Variants in HACE1 observed in about 807,000 individuals in gnomAD.
HACE1 encodes the protein E3 ubiquitin-protein ligase HACE1.
HACE1 carries 73 observed loss-of-function variants against 118.4 expected under a neutral mutation model. The observed-to-expected ratio is 0.62, with a 90% confidence interval of 0.51 to 0.75. The LOEUF (loss-of-function observed/expected upper bound fraction) is 0.75. HACE1 is among the 30% of genes least tolerant of loss of function. HACE1 has a pLI of 0.00. For synonymous variants in HACE1, 368 were observed against 374.8 expected, an observed-to-expected ratio of 0.98 and a Z score of 0.21; for missense variants, 749 against 1,102.2, an observed-to-expected ratio of 0.68 and a Z score of 4.54.
chr6:104,774,477 T>C (rs1297627122), intron 17 of HACE1, among the ~76,000 whole-genome samples: 2 of 151,518 alleles, frequency 1.3e-5, no homozygotes, highest in Non-Finnish European at 2.9e-5. Context: ...CTCCACCTCC[T>C]GGGTTCAAGA....
In HACE1 at chr6:104,796,654, C is replaced by T. The variant is rs757097017; in HGVS notation, c.816+1G>A. 7.2e-7 allele frequency: 1 copy of T among 1,387,136 alleles called. No individual in the cohort carries two copies. Among genetic ancestry groups the T allele is most frequent in the Non-Finnish European group, 1.0e-6 (1 of 975,416 alleles). The allele number at this position is 1,387,136 out of a possible 1,614,324, so 85.9% of individuals were successfully genotyped here. On this transcript the variant is annotated splice_donor_variant, in intron 9 of 23. Transcript: ENST00000262903. LOFTEE classifies it high-confidence loss of function. ...ACAAGCTACTATCACAAATACAATA[C>T]CATGTTTTCTCGGAGGTCTTCATTC... is the stretch of plus-strand genomic sequence containing the variant.
chr6:104,743,640 A>G (rs1777079256), intron 22 of HACE1, among the ~76,000 whole-genome samples: 1 of 151,994 alleles, frequency 6.6e-6, no homozygotes, highest in East Asian at 1.9e-4. Flanking sequence ...TATCTATTAT[A>G]TTTAACTGGT....
intron 4 of HACE1, among the ~76,000 whole-genome samples, chr6:104,844,425 C>T (rs1202300060): frequency 5.3e-5 from 8 of 150,876 alleles, no homozygotes; most frequent in Non-Finnish European, 1.0e-4. Flanking sequence ...CTCACTGCAA[C>T]CTCCGCCTCC....
chr6:104,771,789 T>G, intron 18 of HACE1, 136 bp downstream of exon 18: 1 of 618,894 alleles, frequency 1.6e-6, no homozygotes, highest in Non-Finnish European at 2.8e-6. Context: ...AAACCCCGAA[T>G]GGCTTACATA....
At chr6:104,770,693 T>C (rs1461750333) in intron 19 of HACE1, among the ~76,000 whole-genome samples, 1 of 152,194 alleles carries the variant, frequency 6.6e-6, no homozygotes, top group African/African-American at 2.4e-5. Flanking sequence ...CGCTCCAGCC[T>C]GGGTGACAGA....
At chr6:104,743,541 A>G (rs1236585462) in intron 22 of HACE1, among the ~76,000 whole-genome samples, 1 of 151,978 alleles carries the variant, frequency 6.6e-6, no homozygotes, top group African/African-American at 2.4e-5. Context: ...ATAGAAGATA[A>G]AATTCTGTTA....
At chr6:104,748,653 A>C (rs910471145) in intron 20 of HACE1, among the ~76,000 whole-genome samples, 1 of 152,204 alleles carries the variant, frequency 6.6e-6, no homozygotes, top group East Asian at 1.9e-4. Flanking sequence ...AAGAGCCTGA[A>C]ACTGAAAAGT....
chr6:104,807,457 T>C (rs1002827411), intron 7 of HACE1, among the ~76,000 whole-genome samples: 3 of 152,180 alleles, frequency 2.0e-5, no homozygotes, highest in African/African-American at 4.8e-5. Context: ...AAAACTCCAT[T>C]AACATCTTAC....
intron 6 of HACE1, among the ~76,000 whole-genome samples, chr6:104,828,704 C>A (rs1773568619): frequency 6.6e-6 from 1 of 151,970 alleles, no homozygotes; most frequent in South Asian, 2.1e-4. Context: ...GAAAATGAGA[C>A]CTTTATCATG....
intron 20 of HACE1, among the ~76,000 whole-genome samples, chr6:104,744,924 T>C (rs1038595229): frequency 7.9e-5 from 12 of 152,176 alleles, no homozygotes; most frequent in Middle Eastern, 3.2e-3. Flanking sequence ...TTATGAACAT[T>C]ATCTTTGGTT....
chr6:104,778,647 T>A (rs75486903), intron 14 of HACE1, among the ~76,000 whole-genome samples: 21,573 of 151,376 alleles, frequency 0.14, 1,589 homozygotes, highest in African/African-American at 0.19. Flanking sequence ...AAAAAAATGT[T>A]TTAATTAGCC....
intron 6 of HACE1, among the ~76,000 whole-genome samples, chr6:104,832,238 A>T (rs565861606): frequency 1.3e-5 from 2 of 152,350 alleles, no homozygotes; most frequent in East Asian, 3.9e-4. Context: ...CAGAATGAAC[A>T]TTATAAATGT....
At chr6:104,826,403 G>A (rs187557930) in intron 6 of HACE1, among the ~76,000 whole-genome samples, 15 of 152,286 alleles carry the variant, frequency 9.8e-5, no homozygotes, top group African/African-American at 3.6e-4. Flanking sequence ...GGTGATCAGT[G>A]CTATCCAGAA....
intron 4 of HACE1, among the ~76,000 whole-genome samples, chr6:104,845,222 G>T (rs1775534452): frequency 6.6e-6 from 1 of 151,522 alleles, no homozygotes; most frequent in African/African-American, 2.4e-5. Context: ...TCATACCATG[G>T]ATTATATCAT....
At chr6:104,853,994 T>C (rs754586580) in intron 1 of HACE1, among the ~76,000 whole-genome samples, 13 of 152,216 alleles carry the variant, frequency 8.5e-5, no homozygotes, top group Non-Finnish European at 1.9e-4. Flanking sequence ...ATAAAAGTTA[T>C]GTGAATGTGG....
intron 4 of HACE1, among the ~76,000 whole-genome samples, chr6:104,844,678 T>C (rs1393085055): frequency 6.7e-6 from 1 of 149,616 alleles, no homozygotes; most frequent in Non-Finnish European, 1.5e-5. Context: ...TTTTTTTTTT[T>C]TGAGACAGAG....
intron 7 of HACE1, among the ~76,000 whole-genome samples, chr6:104,797,881 C>A (rs911782869): frequency 1.3e-5 from 2 of 151,816 alleles, no homozygotes; most frequent in African/African-American, 4.8e-5. Flanking sequence ...CCAGCCTGGC[C>A]AACATGGTGA....
chr6:104,755,948 G>C (rs1243628859), intron 19 of HACE1, among the ~76,000 whole-genome samples: 1 of 152,078 alleles, frequency 6.6e-6, no homozygotes, highest in East Asian at 1.9e-4. Context: ...AATTGAAGAA[G>C]ACAGAGACAC....
intron 7 of HACE1, among the ~76,000 whole-genome samples, chr6:104,810,630 G>A (rs140387014): frequency 1.4e-4 from 21 of 152,020 alleles, no homozygotes; most frequent in Non-Finnish European, 2.9e-4. Context: ...TAATTATACT[G>A]ATAGCTCCTT....
Sources: allele counts gnomAD v4.1 joint callset (sites outside exome capture counted in the v4.1 genomes callset), GRCh38; gene constraint gnomAD v4.1.1; transcripts MANE v1.5; gene names NCBI Gene and HGNC (gene_info 2026-07-23, HGNC 2026-07-21).